ZNF521: variants seen among roughly 807,000 people sequenced by gnomAD.
The protein encoded by ZNF521 is zinc finger protein 521, also known as LYST-interacting protein 3.
A neutral mutation model predicts 105.5 loss-of-function variants in ZNF521; 14 were observed. The ratio of observed to expected loss-of-function variants is 0.13; its 90% CI spans 0.09 to 0.21. The LOEUF is 0.21. ZNF521 is among the 10% of genes least tolerant of loss of function. The pLI is 1.00. For synonymous variants in ZNF521, 635 were observed against 606.0 expected, an observed-to-expected ratio of 1.05 and a Z score of -0.70; for missense variants, 1,233 against 1,629.7, an observed-to-expected ratio of 0.76 and a Z score of 4.19.
intron 5 of ZNF521, among the ~76,000 whole-genome samples, chr18:25,168,879 T>A (rs771848307): frequency 2.6e-5 from 4 of 152,100 alleles, no homozygotes; most frequent in Non-Finnish European, 5.9e-5. Context: ...AGTTTACCCA[T>A]CATCTCAGTT....
chr18:25,265,976 C>T (rs1909224804), intron 3 of ZNF521, among the ~76,000 whole-genome samples: 1 of 152,004 alleles, frequency 6.6e-6, no homozygotes, highest in Non-Finnish European at 1.5e-5. Context: ...CTGGTAGAAA[C>T]TAAAAATCAA....
In ZNF521 at chr18:25,137,672, C is replaced by G. The variant is rs571209321; in HGVS notation, c.3659-45591G>C. Among the ~76,000 whole-genome samples, 3 of 152,216 alleles carry G rather than the reference C, an allele frequency of 2.0e-5. No homozygotes were observed. The South Asian group carries it at 6.2e-4, about 32-fold the overall frequency. ...ACTTCCTTATGGACAAGCAGACAGA[C>G]AGAGCACATGTGTGTGCACACACAC... On this transcript the variant is annotated intron_variant, in intron 5 of 7. Coordinates refer to ENST00000361524, the MANE Select transcript of ZNF521 (RefSeq NM_015461.3).
chr18:25,130,349 G>A (rs1469009533), intron 5 of ZNF521, among the ~76,000 whole-genome samples: 1 of 152,154 alleles, frequency 6.6e-6, no homozygotes, highest in African/African-American at 2.4e-5. Context: ...AAGGAGCAGA[G>A]GGATGAGTAG....
Position 25,225,709 on chromosome 18 carries a change from T to G in ZNF521, c.2209A>C (p.Ile737Leu). 1 of 1,614,208 alleles carries G rather than the reference T, an allele frequency of 6.2e-7. No homozygotes were observed. The highest frequency in any genetic ancestry group is 8.5e-7 in the Non-Finnish European group (1 of 1,180,028). The change falls in exon 4 of 8, where the codon ATT becomes CTT. Residue 737 changes from isoleucine to leucine, a missense_variant. Physicochemically the swap from Ile to Leu is conservative, Grantham distance 5 (BLOSUM62 2). Transcript: ENST00000361524. This position sits in a 1 kb window ranked among gnomAD's most constrained non-coding sequence, Gnocchi z 5.6. Reference sequence around the variant, plus strand: ...TGCTTCACAGCCAAGTGGAGCTGAATGGAGACTTTTGAGTCAAAAACTTCC... The same window carrying G: ...TGCTTCACAGCCAAGTGGAGCTGAAGGGAGACTTTTGAGTCAAAAACTTCC... ...CQEVFDSKVS[I>L]QLHLAVKHSN...
At chr18:25,105,934 C>T (rs2034063745) in intron 5 of ZNF521, among the ~76,000 whole-genome samples, 1 of 152,056 alleles carries the variant, frequency 6.6e-6, no homozygotes, top group African/African-American at 2.4e-5. Context: ...ATACTTTCAG[C>T]TTGGGCCTTT....
rs751157753 is a variant in ZNF521 at position 25,225,094 on chromosome 18, C to T, written c.2824G>A (p.Glu942Lys). The stretch of plus-strand genomic sequence containing the variant: ...TGCATATGTTCCCGGAGGCCATTTT[C>T]GGAGAAGAAGGTTCGAGAGCACACG... ...CNVCSRTFFS[E>K]NGLREHMQTH... is the part of the protein sequence containing the mutation. The change falls in exon 4 of 8, where the codon GAA (glutamate) becomes AAA (lysine). Residue 942 changes from glutamate (E) to lysine (K), a missense_variant. Glu to Lys is a moderately conservative substitution (Grantham distance 56). Around this residue, in one of 6 missense-constraint regions of ZNF521, gnomAD observed 614 missense variants for 751.5 expected, o/e 0.82. Transcript: ENST00000361524. This position sits in a 1 kb window ranked among gnomAD's most constrained non-coding sequence, Gnocchi z 5.6. 6.8e-6 allele frequency: 11 copies of T among 1,614,040 alleles called. 1 individual carries two copies. Among genetic ancestry groups the T allele is most frequent in the South Asian group, 4.4e-5 (4 of 91,082 alleles).
chr18:25,336,860 AAAG>A (rs1273812292), intron 2 of ZNF521, among the ~76,000 whole-genome samples: 1 of 152,206 alleles, frequency 6.6e-6, no homozygotes, highest in Non-Finnish European at 1.5e-5. Context: ...TTGAGAGTAA[AAAG>A]AAACATTTAC....
At chr18:25,140,162 T>A (rs796749662) in intron 5 of ZNF521, among the ~76,000 whole-genome samples, 14 of 152,294 alleles carry the variant, frequency 9.2e-5, no homozygotes, top group African/African-American at 3.1e-4. Context: ...ATTTGCTTCA[T>A]CAAATCACAA....
intron 7 of ZNF521, among the ~76,000 whole-genome samples, chr18:25,081,622 G>T (rs1409651713): frequency 6.6e-6 from 1 of 152,114 alleles, no homozygotes; most frequent in African/African-American, 2.4e-5. Context: ...GGCATTTATT[G>T]TACAAAACAG....
chr18:25,347,057 A>C, intron 2 of ZNF521, among the ~76,000 whole-genome samples: 1 of 152,230 alleles, frequency 6.6e-6, no homozygotes, highest in East Asian at 1.9e-4. Context: ...TCAGAGAGGC[A>C]CCACAAGAAA....
chr18:25,210,808 G>A (rs2036166245), intron 4 of ZNF521, among the ~76,000 whole-genome samples: 1 of 152,126 alleles, frequency 6.6e-6, no homozygotes, highest in South Asian at 2.1e-4. Context: ...TCTCTCCCAC[G>A]ACTCTGTCCT....
chr18:25,102,138 T>A (rs761668146), intron 5 of ZNF521, among the ~76,000 whole-genome samples: 46 of 152,102 alleles, frequency 3.0e-4, no homozygotes, highest in Non-Finnish European at 5.0e-4. Flanking sequence ...GCAATTAATA[T>A]CCCTCCAAAA....
chr18:25,314,745 C>T (rs1032335614), intron 3 of ZNF521, among the ~76,000 whole-genome samples: 2 of 152,114 alleles, frequency 1.3e-5, no homozygotes, highest in Admixed American at 6.5e-5. Context: ...GTTTTTTCTG[C>T]GATTATGCCC....
intron 5 of ZNF521, among the ~76,000 whole-genome samples, chr18:25,116,934 C>CGTATATATACACATATATAT (rs2034326341): frequency 3.0e-5 from 4 of 131,938 alleles, no homozygotes; most frequent in African/African-American, 9.2e-5. Flanking sequence ...TATATATATA[C>CGTATATATACACATATATAT]GTATATATAC....
intron 5 of ZNF521, among the ~76,000 whole-genome samples, chr18:25,169,915 G>A (rs917055305): frequency 2.6e-5 from 4 of 152,020 alleles, no homozygotes; most frequent in Non-Finnish European, 5.9e-5. Flanking sequence ...AAATACTTTT[G>A]CATCTTATTA....
At chr18:25,241,221 T>C (rs560459655) in intron 3 of ZNF521, among the ~76,000 whole-genome samples, 23 of 152,190 alleles carry the variant, frequency 1.5e-4, no homozygotes, top group Non-Finnish European at 3.1e-4. Flanking sequence ...GGAGCAGGAA[T>C]GGAATCCTCG....
intron 3 of ZNF521, among the ~76,000 whole-genome samples, chr18:25,269,671 A>G (rs562662264): frequency 6.6e-6 from 1 of 152,350 alleles, no homozygotes; most frequent in South Asian, 2.1e-4. Flanking sequence ...GAAACTGAAC[A>G]ACCTGCTCCT....
chr18:25,152,424 A>G (rs2035064988), intron 5 of ZNF521, among the ~76,000 whole-genome samples: 1 of 151,864 alleles, frequency 6.6e-6, no homozygotes, highest in Non-Finnish European at 1.5e-5. Flanking sequence ...GGTTGCAGCA[A>G]GCTGAGATCG....
chr18:25,090,956 T>C (rs891230692), intron 6 of ZNF521, among the ~76,000 whole-genome samples: 1 of 152,190 alleles, frequency 6.6e-6, no homozygotes, highest in African/African-American at 2.4e-5. Context: ...AATTATTGAA[T>C]GAAGGAGCCA....
Sources: allele counts gnomAD v4.1 joint callset (sites outside exome capture counted in the v4.1 genomes callset), GRCh38; gene constraint gnomAD v4.1.1; regional missense constraint gnomAD v4.1.1; non-coding constraint Gnocchi (gnomAD v3.1); transcripts MANE v1.5; gene names NCBI Gene and HGNC (gene_info 2026-07-23, HGNC 2026-07-21).